Variants in ZBTB20 observed in about 807,000 individuals in gnomAD.
ZBTB20 encodes zinc finger and BTB domain containing 20, also known as zinc finger and BTB domain-containing protein 20.
ZBTB20 carries 9 observed loss-of-function variants against 56.9 expected under a neutral mutation model. That is an observed-to-expected ratio of 0.16 (90% CI 0.10 to 0.28). The LOEUF is 0.28. Ranked by LOEUF, ZBTB20 falls within the 10% of genes least tolerant of loss-of-function variation. The pLI is 1.00. For synonymous variants in ZBTB20, 417 were observed against 420.7 expected (o/e 0.99, Z 0.11); for missense variants, 655 against 1,003.0 (o/e 0.65, Z 4.69).
intron 7 of ZBTB20, among the ~76,000 whole-genome samples, chr3:114,412,317 G>C (rs1378062307): frequency 2.0e-5 from 3 of 152,128 alleles, no homozygotes; most frequent in Non-Finnish European, 4.4e-5. Flanking sequence ...GTTCTATAAA[G>C]CACTGTACAA....
chr3:115,130,736 T>C (rs2108666405), intron 1 of ZBTB20, among the ~76,000 whole-genome samples: 1 of 152,286 alleles, frequency 6.6e-6, no homozygotes, highest in South Asian at 2.1e-4. Flanking sequence ...AAACTAGCCA[T>C]AATATTTTAA....
At chr3:114,823,412 CTTCTGT>C (rs2073358732) in intron 4 of ZBTB20, among the ~76,000 whole-genome samples, 1 of 151,990 alleles carries the variant, frequency 6.6e-6, no homozygotes, top group Non-Finnish European at 1.5e-5. Context: ...GCCAGGGAAA[CTTCTGT>C]TTCTAAGTTC....
chr3:114,328,736 AACTT>A lies in ZBTB20; in HGVS notation c.*10265_*10268del, dbSNP rs987248794. ...ACTTTAGTGTTCTTTCATTAAATAA[AACTT>A]AAAGAAGGATGTTCAGAATGGGGTG... On this transcript the variant is annotated 3_prime_UTR_variant, in exon 12 of 12. Coordinates refer to ENST00000675478, the MANE Select transcript of ZBTB20 (RefSeq NM_001348800.3). 3 of 152,230 alleles carry A rather than the reference AACTT, an allele frequency of 2.0e-5. No individual in the cohort carries two copies. The highest frequency in any genetic ancestry group is 4.4e-5 in the Non-Finnish European group (3 of 68,038). 9.4% of individuals were successfully genotyped at this position (152,230 alleles called of 1,614,324 possible).
chr3:114,611,524 T>C (rs1191737776), intron 6 of ZBTB20, among the ~76,000 whole-genome samples: 1 of 152,182 alleles, frequency 6.6e-6, no homozygotes, highest in Non-Finnish European at 1.5e-5. Flanking sequence ...CAACCTGGAC[T>C]TACCCCATAA....
chr3:114,811,977 G>C (rs1017531723), intron 4 of ZBTB20, among the ~76,000 whole-genome samples: 1 of 152,150 alleles, frequency 6.6e-6, no homozygotes, highest in African/African-American at 2.4e-5. Flanking sequence ...TCTGATGTTC[G>C]GATGTGTTCG....
At chr3:115,110,725 A>G (rs762273137) in intron 1 of ZBTB20, among the ~76,000 whole-genome samples, 24 of 152,208 alleles carry the variant, frequency 1.6e-4, no homozygotes, top group Non-Finnish European at 3.1e-4. Context: ...GTGGTGGCTC[A>G]CGCCTGTAAT....
Position 114,949,495 on chromosome 3 carries a change from C to T in ZBTB20, c.-456+24871G>A, listed in dbSNP as rs1179590354. ...CAAAAGACAACTATAAGGTCAGGCG[C>T]GGCGGCTCATGCCTGTAATCCCAGC... On this transcript the variant is annotated intron_variant, in intron 3 of 11. Transcript: ENST00000675478. 6.8e-5 allele frequency among the ~76,000 whole-genome samples: 10 copies of T among 146,436 alleles called. 1 individual carries two copies. Among genetic ancestry groups the T allele is most frequent in the East Asian group, 3.9e-4 (2 of 5,168 alleles).
intron 1 of ZBTB20, among the ~76,000 whole-genome samples, chr3:115,115,005 G>C (rs985837631): frequency 1.3e-5 from 2 of 152,138 alleles, no homozygotes; most frequent in East Asian, 3.9e-4. Context: ...TGGTGCAAAT[G>C]ATATTCATGG....
intron 10 of ZBTB20, among the ~76,000 whole-genome samples, chr3:114,369,946 A>T (rs1187289782): frequency 6.6e-6 from 1 of 152,252 alleles, no homozygotes; most frequent in Non-Finnish European, 1.5e-5. Flanking sequence ...ACTGAGGGTA[A>T]GGAACTGAGT....
intron 7 of ZBTB20, among the ~76,000 whole-genome samples, chr3:114,422,440 T>C (rs1162596689): frequency 2.0e-5 from 3 of 151,918 alleles, no homozygotes; most frequent in Non-Finnish European, 2.9e-5. Flanking sequence ...CTTACATGAA[T>C]TTGACATGGA....
chr3:115,121,058 A>G (rs1465132981), intron 1 of ZBTB20, among the ~76,000 whole-genome samples: 3 of 152,022 alleles, frequency 2.0e-5, no homozygotes, highest in Admixed American at 1.3e-4. Flanking sequence ...CATTAAGGTA[A>G]TAATTCAAAG....
chr3:114,733,447 A>AT (rs2065905597), intron 5 of ZBTB20, among the ~76,000 whole-genome samples: 1 of 152,018 alleles, frequency 6.6e-6, no homozygotes, highest in South Asian at 2.1e-4. Flanking sequence ...ATTTGATCTG[A>AT]TTTTTCATCT....
intron 7 of ZBTB20, among the ~76,000 whole-genome samples, chr3:114,428,428 C>T (rs1015379260): frequency 1.3e-5 from 2 of 152,196 alleles, no homozygotes; most frequent in South Asian, 2.1e-4. Context: ...GAGGGACAGG[C>T]CTCATTTGCA....
At chr3:114,516,611 T>C (rs911851605) in intron 6 of ZBTB20, among the ~76,000 whole-genome samples, 1 of 152,104 alleles carries the variant, frequency 6.6e-6, no homozygotes, top group African/African-American at 2.4e-5. Flanking sequence ...AATAGATGTG[T>C]GAATAGGGTC....
rs113532066 is a variant in ZBTB20 at position 114,550,176 on chromosome 3, G to A, written c.-294-49785C>T. Among the ~76,000 whole-genome samples the A allele has an allele frequency of 9.3e-3, 1,410 of 152,216 alleles. 23 individuals carry two copies. Among genetic ancestry groups the A allele is most frequent in the African/African-American group, 0.032 (1,348 of 41,518 alleles). ...GATGGTCTCAATCTCCTGATCTTGC[G>A]ATCCGCCTGCCTTGGCCTCCCAAAG... is the stretch of plus-strand genomic sequence containing the variant. On this transcript the variant is annotated intron_variant, in intron 6 of 11. Coordinates refer to ENST00000675478, the MANE Select transcript of ZBTB20 (RefSeq NM_001348800.3).
At chr3:114,905,307 G>A (rs1447524489) in intron 3 of ZBTB20, among the ~76,000 whole-genome samples, 4 of 151,740 alleles carry the variant, frequency 2.6e-5, no homozygotes, top group Admixed American at 1.3e-4. Flanking sequence ...TGAAATCAAT[G>A]ATTTATTCTC....
At chr3:114,628,586 A>G (rs964443430) in intron 6 of ZBTB20, among the ~76,000 whole-genome samples, 1 of 152,118 alleles carries the variant, frequency 6.6e-6, no homozygotes, top group Non-Finnish European at 1.5e-5. Context: ...TTTCACCTCC[A>G]CCACCCATTG....
chr3:115,125,346 TAAA>T (rs55740856), intron 1 of ZBTB20, among the ~76,000 whole-genome samples: 2 of 121,408 alleles, frequency 1.6e-5, no homozygotes, highest in Non-Finnish European at 1.9e-5. Context: ...CTGCCTCAAA[TAAA>T]AAAAAAAAAA....
intron 6 of ZBTB20, among the ~76,000 whole-genome samples, chr3:114,606,697 G>A (rs2057180461): frequency 6.6e-6 from 1 of 152,278 alleles, no homozygotes; most frequent in Non-Finnish European, 1.5e-5. Context: ...AACCTCTGGA[G>A]CAGCACTTTC....
Sources: gnomAD v4.1 joint callset for allele counts (sites outside exome capture counted in the v4.1 genomes callset) on GRCh38, gnomAD v4.1.1 for gene constraint, MANE v1.5 for transcripts, NCBI Gene and HGNC (gene_info 2026-07-23, HGNC 2026-07-21) for gene names.